The following GIPC2 variants were observed in gnomAD, a reference collection of about 807,000 sequenced individuals.
GIPC2 encodes GIPC PDZ domain containing family member 2.
A neutral mutation model predicts 30.6 loss-of-function variants in GIPC2; 30 were observed. That is an observed-to-expected ratio of 0.98 (90% CI 0.73 to 1.33). The LOEUF (loss-of-function observed/expected upper bound fraction) is 1.33, where lower values mean the gene tolerates loss of function less well. Ranked by LOEUF, GIPC2 falls within the 40% of genes most tolerant of loss-of-function variation. The pLI is 0.00. For missense variants in GIPC2, 414 were observed against 390.3 expected, an observed-to-expected ratio of 1.06 and a Z score of -0.51; for synonymous variants, 167 against 150.0, an observed-to-expected ratio of 1.11 and a Z score of -0.83.
intron 3 of GIPC2, among the ~76,000 whole-genome samples, chr1:78,096,618 T>C (rs993151360): frequency 6.6e-6 from 1 of 152,158 alleles, no homozygotes; most frequent in Admixed American, 6.5e-5. Context: ...AAGGTCGTTG[T>C]ATTTAGCTAT....
At chr1:78,045,701 C>A (rs1010455138), upstream of GIPC2, 1 of 985,490 alleles carries the variant, frequency 1.0e-6, no homozygotes, top group East Asian at 1.1e-4. Context: ...GTGGCCAAAT[C>A]ATGCGTGGGT....
At chr1:78,061,557 G>C (rs938922784) in intron 1 of GIPC2, among the ~76,000 whole-genome samples, 2 of 151,896 alleles carry the variant, frequency 1.3e-5, no homozygotes, top group African/African-American at 4.8e-5. Flanking sequence ...CTGGGGTGCA[G>C]TGGTGCGATC....
chr1:78,069,989 T>A (rs1335311334), intron 1 of GIPC2, among the ~76,000 whole-genome samples: 1 of 152,146 alleles, frequency 6.6e-6, no homozygotes, highest in Non-Finnish European at 1.5e-5. Flanking sequence ...ATGCTTACTT[T>A]CCAATTTTCC....
chr1:78,131,510 T>G (rs1049871502), intron 5 of GIPC2, among the ~76,000 whole-genome samples: 2 of 152,224 alleles, frequency 1.3e-5, no homozygotes, highest in Non-Finnish European at 2.9e-5. Flanking sequence ...TTTGCCAGAT[T>G]GCATTCAGGT....
chr1:78,091,505 C>G, intron 2 of GIPC2: 1 of 721,206 alleles, frequency 1.4e-6, no homozygotes, highest in Non-Finnish European at 2.6e-6. Flanking sequence ...GCTAATGGCT[C>G]CCAAAGGCAG....
At chr1:78,127,689 T>C (rs1662806756) in intron 5 of GIPC2, among the ~76,000 whole-genome samples, 1 of 152,176 alleles carries the variant, frequency 6.6e-6, no homozygotes, top group South Asian at 2.1e-4. Context: ...TGTGAACTTT[T>C]ATTTATCTTC....
chr1:78,131,158 C>T (rs191259739), intron 5 of GIPC2, among the ~76,000 whole-genome samples: 2,915 of 151,442 alleles, frequency 0.019, 52 homozygotes, highest in South Asian at 0.08. Flanking sequence ...TTCTTTTTTT[C>T]TCATGTGTTT....
chr1:78,124,987 A>C (rs142203708), intron 4 of GIPC2, among the ~76,000 whole-genome samples: 231 of 152,210 alleles, frequency 1.5e-3, no homozygotes, highest in African/African-American at 5.3e-3. Flanking sequence ...AAACAAAACA[A>C]AACAAAACAA....
At chr1:78,094,729 C>G in intron 2 of GIPC2, 1 of 337,974 alleles carries the variant, frequency 3.0e-6, no homozygotes, top group South Asian at 7.4e-5. Context: ...AACTGAGCAT[C>G]AGACTGCATT....
intron 2 of GIPC2, chr1:78,091,654 T>A: frequency 1.3e-6 from 1 of 772,438 alleles, no homozygotes; most frequent in South Asian, 1.3e-5. Flanking sequence ...GAATATGGCA[T>A]ATGGATCTTA....
At chr1:78,113,667 G>A (rs1360256264) in intron 3 of GIPC2, among the ~76,000 whole-genome samples, 1 of 152,210 alleles carries the variant, frequency 6.6e-6, no homozygotes, top group African/African-American at 2.4e-5. Flanking sequence ...GGGATTAGAG[G>A]CGTGAGCCAT....
chr1:78,127,919 G>A (rs1160369100), intron 5 of GIPC2, among the ~76,000 whole-genome samples: 7 of 152,064 alleles, frequency 4.6e-5, no homozygotes, highest in African/African-American at 1.7e-4. Context: ...TGTTGCTCAG[G>A]CTCAAGTGAT....
At chr1:78,061,149 C>G (rs1237660576) in intron 1 of GIPC2, among the ~76,000 whole-genome samples, 1 of 152,156 alleles carries the variant, frequency 6.6e-6, no homozygotes, top group East Asian at 1.9e-4. Flanking sequence ...AAAGGGTTTC[C>G]TGTGCTGCCT....
At chr1:78,106,212 GTGA>G (rs1662349660) in intron 3 of GIPC2, among the ~76,000 whole-genome samples, 1 of 146,558 alleles carries the variant, frequency 6.8e-6, no homozygotes, top group African/African-American at 2.6e-5. Flanking sequence ...TCCAGCCTGG[GTGA>G]CAGAGTAAGA....
At chr1:78,118,528 T>C (rs1662615399) in intron 3 of GIPC2, among the ~76,000 whole-genome samples, 1 of 152,148 alleles carries the variant, frequency 6.6e-6, no homozygotes, top group Admixed American at 6.5e-5. Context: ...CTTAGTTTGT[T>C]GCAAATGCAG....
chr1:78,045,123 G>T, upstream of GIPC2: 1 of 936,716 alleles, frequency 1.1e-6, no homozygotes, highest in Non-Finnish European at 1.3e-6. Flanking sequence ...AGAATTACTT[G>T]TATTTGGTAA....
chr1:78,045,020 G>C (rs1356275794), upstream of GIPC2: 1 of 882,172 alleles, frequency 1.1e-6, no homozygotes, highest in African/African-American at 1.8e-5. Context: ...AGCAGGGTGG[G>C]GACGGGGAGA....
chr1:78,058,053 A>G (rs1490983124), intron 1 of GIPC2, among the ~76,000 whole-genome samples: 3 of 152,238 alleles, frequency 2.0e-5, no homozygotes, highest in Non-Finnish European at 4.4e-5. Context: ...AAAATGTTCC[A>G]TCATTTATAT....
At chr1:78,070,676 T>G (rs1661601364) in intron 1 of GIPC2, among the ~76,000 whole-genome samples, 1 of 152,200 alleles carries the variant, frequency 6.6e-6, no homozygotes, top group South Asian at 2.1e-4. Context: ...TTTGATTTTC[T>G]TGGATACACA....
Sources: gnomAD v4.1 joint callset for allele counts (sites outside exome capture counted in the v4.1 genomes callset) on GRCh38, gnomAD v4.1.1 for gene constraint, MANE v1.5 for transcripts, NCBI Gene and HGNC (gene_info 2026-07-23, HGNC 2026-07-21) for gene names.